CELSR1: variants seen among roughly 807,000 people sequenced by gnomAD.
CELSR1 encodes the protein cadherin EGF LAG seven-pass G-type receptor 1.
In CELSR1, 110 loss-of-function variants were observed where a neutral mutation model predicts 249.1. The ratio of observed to expected loss-of-function variants is 0.44; its 90% CI spans 0.38 to 0.52. The LOEUF (loss-of-function observed/expected upper bound fraction) is 0.52. Among genes scored for constraint, CELSR1 ranks in the 20% least tolerant of loss-of-function variants. The probability of loss-of-function intolerance (pLI) is 0.00; values close to 1 mark genes in which losing one functional copy is unlikely to be tolerated. For synonymous variants in CELSR1, 2,113 were observed against 1,900.0 expected (o/e 1.11, Z -2.92); for missense variants, 4,109 against 4,296.4 (o/e 0.96, Z 1.22).
chr22:46,520,652 A>C, intron 1 of CELSR1, among the ~76,000 whole-genome samples: 1 of 151,240 alleles, frequency 6.6e-6, no homozygotes, highest in East Asian at 1.9e-4. Flanking sequence ...AGTGGAGACA[A>C]GGTTTCACCA....
chr22:46,401,918 C>G lies in CELSR1; in HGVS notation c.5227-2016G>C, dbSNP rs1331813051. The stretch of plus-strand genomic sequence containing the variant: ...CCTGACCAACAAGGTGAAACCCCAT[C>G]TCTACTAAAAATACAAAAAATTAGC... On this transcript the variant is annotated intron_variant, in intron 9 of 34. Coordinates refer to ENST00000674500, the MANE Select transcript of CELSR1 (RefSeq NM_001378328.1). This position sits in a 1 kb window ranked among gnomAD's most constrained non-coding sequence, Gnocchi z 4.7. Among the ~76,000 whole-genome samples the G allele has an allele frequency of 2.0e-5, 3 of 148,652 alleles. No individual in the cohort carries two copies. The highest frequency in any genetic ancestry group is 7.9e-5 in the African/African-American group (3 of 38,056).
In CELSR1 at chr22:46,471,302, CA is replaced by C. The variant is rs1602182956; in HGVS notation, c.3545-6958del. 6.6e-6 allele frequency among the ~76,000 whole-genome samples: 1 copy of C among 152,082 alleles called. No homozygotes were observed. Among genetic ancestry groups the C allele is most frequent in the East Asian group, 1.9e-4 (1 of 5,202 alleles). On this transcript the variant is annotated intron_variant, in intron 1 of 34. Transcript: ENST00000674500. The surrounding 1 kb of genome is among the most constrained non-coding windows in gnomAD (Gnocchi z 4.9). ...TAATTTTGAAACAGTTTTAGATTTA[CA>C]AAAAAATTACTAATACAGCGGGTTC...
rs1490653571 is a variant in CELSR1 at position 46,527,662 on chromosome 22, G to T, written c.3544+5965C>A. Among the ~76,000 whole-genome samples, 2 of 152,198 alleles carry T rather than the reference G, an allele frequency of 1.3e-5. No homozygotes were observed. Among genetic ancestry groups the T allele is most frequent in the Non-Finnish European group, 2.9e-5 (2 of 68,028 alleles). ...CAACACTCCTTATTTCTGAGGCAGT[G>T]TTTCTCAAGGTATGAGCAAGCCACT... On this transcript the variant is annotated intron_variant, in intron 1 of 34. Coordinates refer to ENST00000674500, the MANE Select transcript of CELSR1 (RefSeq NM_001378328.1). The surrounding 1 kb of genome is among the most constrained non-coding windows in gnomAD (Gnocchi z 5.5).
At chr22:46,477,535 G>C (rs2080222280) in intron 1 of CELSR1, among the ~76,000 whole-genome samples, 1 of 124,076 alleles carries the variant, frequency 8.1e-6, no homozygotes, top group South Asian at 2.6e-4. Flanking sequence ...TTTTGAGACG[G>C]AGTCTTGCTC....
At chr22:46,499,073 C>T (rs6008872) in intron 1 of CELSR1, among the ~76,000 whole-genome samples, 3,258 of 151,418 alleles carry the variant, frequency 0.022, 114 homozygotes, top group African/African-American at 0.075. Context: ...CCAGCTACTC[C>T]GGAGACTGAG....
intron 5 of CELSR1, among the ~76,000 whole-genome samples, chr22:46,424,089 AAG>A (rs2079511023): frequency 6.6e-6 from 1 of 152,122 alleles, no homozygotes; most frequent in Non-Finnish European, 1.5e-5. Context: ...TTTTTAAGAC[AAG>A]AGTCTCACTC....
intron 9 of CELSR1, among the ~76,000 whole-genome samples, chr22:46,403,898 G>A (rs1006533515): frequency 2.0e-5 from 3 of 150,222 alleles, no homozygotes; most frequent in African/African-American, 2.5e-5. Flanking sequence ...CCTTGAACCC[G>A]GGAGGTGGAG....
At position 46,364,215 on chromosome 22, in the gene CELSR1, A is replaced by T; in HGVS notation, c.8816T>A (p.Leu2939Gln). Reference sequence around the variant, plus strand: ...CTTCAGCGTCTGCTCCGTCAGCGTCAGCGGCGGCGGGTAGGTGACTTTATT... The same window carrying T: ...CTTCAGCGTCTGCTCCGTCAGCGTCTGCGGCGGCGGGTAGGTGACTTTATT... ...LKNKVTYPPPLTLTEQTLKGR... is the reference protein window; with the variant it reads ...LKNKVTYPPPQTLTEQTLKGR... The change falls in exon 34 of 35, where the codon CTG becomes CAG. Residue 2939 changes from leucine to glutamine, a missense_variant. Physicochemically the swap from Leu to Gln is moderately radical, Grantham distance 113. This residue lies in a region of CELSR1 where 1,805 missense variants were observed against 1,831.6 expected (regional missense o/e 0.99). Coordinates refer to ENST00000674500, the MANE Select transcript of CELSR1 (RefSeq NM_001378328.1). 3.1e-6 allele frequency: 5 copies of T among 1,611,318 alleles called. No individual in the cohort carries two copies. Among genetic ancestry groups the T allele is most frequent in the Non-Finnish European group, 4.2e-6 (5 of 1,179,736 alleles).
At chr22:46,459,089 C>T (rs13054717) in intron 2 of CELSR1, among the ~76,000 whole-genome samples, 15,577 of 152,106 alleles carry the variant, frequency 0.1, 823 homozygotes, top group South Asian at 0.14. Flanking sequence ...AAGGTTTCAC[C>T]GTGTTGGCCA....
intron 20 of CELSR1, among the ~76,000 whole-genome samples, chr22:46,383,643 C>A (rs978231562): frequency 6.6e-6 from 1 of 152,198 alleles, no homozygotes; most frequent in African/African-American, 2.4e-5. Context: ...CCTCCCGCCT[C>A]AGCCTCCTGA....
chr22:46,409,934 C>T lies in CELSR1; in HGVS notation c.4934-54G>A. ...TGACTCGGAGGAACCGCCCGGGGTC[C>T]CCGGCGCCAGACGTGGCGTGGGAAA... On this transcript the variant is annotated intron_variant, in intron 7 of 34. Coordinates refer to ENST00000674500, the MANE Select transcript of CELSR1 (RefSeq NM_001378328.1). This position sits in a 1 kb window ranked among gnomAD's most constrained non-coding sequence, Gnocchi z 9.8. The T allele has an allele frequency of 2.5e-6, 4 of 1,601,458 alleles. No homozygotes were observed. The South Asian group carries it at 4.4e-5, about 18-fold the overall frequency.
rs2079193556 is a variant in CELSR1 at position 46,399,923 on chromosome 22, C to T, written c.5227-21G>A. ...AGGATCTGGAGCAGGGAGAGCCACACCGACTGATTGGTACAATGACAATGA... is the reference window on the plus strand; with the variant it reads ...AGGATCTGGAGCAGGGAGAGCCACATCGACTGATTGGTACAATGACAATGA... On this transcript the variant is annotated intron_variant, in intron 9 of 34. Transcript: ENST00000674500. The surrounding 1 kb of genome is among the most constrained non-coding windows in gnomAD (Gnocchi z 5.0). The T allele has an allele frequency of 5.6e-6, 9 of 1,612,280 alleles. No individual in the cohort carries two copies. The highest frequency in any genetic ancestry group is 1.3e-5 in the African/African-American group (1 of 74,858).
At chr22:46,420,777 C>G (rs1002551233) in intron 5 of CELSR1, among the ~76,000 whole-genome samples, 1 of 152,166 alleles carries the variant, frequency 6.6e-6, no homozygotes, top group African/African-American at 2.4e-5. Context: ...CCCTGATGAC[C>G]TTTCTGACCA....
In CELSR1 at chr22:46,436,177, C is replaced by CGG. The variant is rs749296817; in HGVS notation, c.4518_4519insCC (p.Ala1507ProfsTer17). 7,537 of 1,613,258 alleles carry CGG rather than the reference C, an allele frequency of 4.7e-3. 24 individuals carry two copies. Among genetic ancestry groups the CGG allele is most frequent in the Non-Finnish European group, 5.7e-3 (6,722 of 1,179,394 alleles). ...CTTCCTGGGGAGAAGGCCCCACCTG[C>CGG]AGAGAAGGTGAGCTGCACCTGCTCG... On this transcript the variant is annotated frameshift_variant, in exon 4 of 35. Transcript: ENST00000674500. LOFTEE classifies it high-confidence loss of function. This position sits in a 1 kb window ranked among gnomAD's most constrained non-coding sequence, Gnocchi z 5.9.
At chr22:46,532,918 C>T (rs1377161722) in intron 1 of CELSR1, among the ~76,000 whole-genome samples, 1 of 152,224 alleles carries the variant, frequency 6.6e-6, no homozygotes, top group East Asian at 1.9e-4. Context: ...TCCTCTCCCT[C>T]CTGTTCACCT....
In CELSR1 at chr22:46,535,303, G is replaced by A. The variant is rs755885190; in HGVS notation, c.1868C>T (p.Ala623Val). The A allele has an allele frequency of 5.0e-6, 8 of 1,611,552 alleles. No homozygotes were observed. The highest frequency in any genetic ancestry group is 6.8e-6 in the Non-Finnish European group (8 of 1,180,002). ...GGGSAGPKNP[A>V]PTPDFPFQIH... ...CTGGAAGGGGAAGTCAGGGGTGGGGGCAGGATTCTTAGGCCCAGCGCTGCC... is the reference window on the plus strand; with the variant it reads ...CTGGAAGGGGAAGTCAGGGGTGGGGACAGGATTCTTAGGCCCAGCGCTGCC... The change falls in exon 1 of 35, where the codon GCC (alanine) becomes GTC (valine). Residue 623 changes from alanine (A) to valine (V), a missense_variant. Physicochemically the swap from Ala to Val is moderately conservative, Grantham distance 64 (BLOSUM62 0). Around this residue, in one of 7 missense-constraint regions of CELSR1, gnomAD observed 886 missense variants for 896.5 expected, o/e 0.99. Coordinates refer to ENST00000674500, the MANE Select transcript of CELSR1 (RefSeq NM_001378328.1).
In CELSR1 at chr22:46,371,259, C is replaced by A. The variant is rs111587829; in HGVS notation, c.7760-1455G>T. ...TGCCTGGTTGGAGGCTGGTCAGTGA[C>A]GTTGCTGTGGAGACCAGGACGGTCC... On this transcript the variant is annotated intron_variant, in intron 25 of 34. Coordinates refer to ENST00000674500, the MANE Select transcript of CELSR1 (RefSeq NM_001378328.1). Among the ~76,000 whole-genome samples the A allele has an allele frequency of 9.7e-3, 1,476 of 152,192 alleles. 30 individuals are homozygous for A. Among genetic ancestry groups the A allele is most frequent in the African/African-American group, 0.034 (1,402 of 41,496 alleles).
chr22:46,415,482 A>T (rs1430024196), intron 5 of CELSR1, among the ~76,000 whole-genome samples: 3 of 152,184 alleles, frequency 2.0e-5, no homozygotes, highest in Admixed American at 6.5e-5. Flanking sequence ...ATTATTTTTT[A>T]AAAAGTTACT....
intron 1 of CELSR1, among the ~76,000 whole-genome samples, chr22:46,492,196 C>A (rs759996102): frequency 5.3e-5 from 8 of 152,194 alleles, no homozygotes; most frequent in Non-Finnish European, 8.8e-5. Context: ...TGAAGCCGGC[C>A]AACATGCCAG....
Sources: gnomAD v4.1 joint callset for allele counts (sites outside exome capture counted in the v4.1 genomes callset) on GRCh38, gnomAD v4.1.1 for gene constraint, gnomAD v4.1.1 regional missense constraint, Gnocchi (gnomAD v3.1) non-coding constraint, MANE v1.5 for transcripts, NCBI Gene and HGNC (gene_info 2026-07-23, HGNC 2026-07-21) for gene names.